The following DCAF7 variants were observed in gnomAD, a reference collection of about 807,000 sequenced individuals.
The protein encoded by DCAF7 is DDB1- and CUL4-associated factor 7.
Under a neutral mutation model 41.2 loss-of-function variants are expected in DCAF7, and 4 were observed. The observed-to-expected ratio is 0.10, with a 90% confidence interval of 0.05 to 0.22. The LOEUF is 0.22. DCAF7 is among the 10% of genes least tolerant of loss of function. The pLI is 1.00. For missense variants in DCAF7, 131 were observed against 443.2 expected, an observed-to-expected ratio of 0.30 and a Z score of 6.32; for synonymous variants, 143 against 164.2, an observed-to-expected ratio of 0.87 and a Z score of 0.99.
In DCAF7 at chr17:63,588,994, C is replaced by G; in HGVS notation, c.857-6C>G. On this transcript the variant is annotated splice_polypyrimidine_tract_variant and splice_region_variant and intron_variant, in intron 6 of 6. Coordinates refer to ENST00000614556, the MANE Select transcript of DCAF7 (RefSeq NM_005828.5). ...GACCTTGCTTGCTGGCTTTCTTTGT[C>G]CCTAGCGGATGACCACCAGGCTCTC... 6.2e-7 allele frequency: 1 copy of G among 1,605,822 alleles called. No homozygotes were observed. The highest frequency in any genetic ancestry group is 8.5e-7 in the Non-Finnish European group (1 of 1,174,376).
At chr17:63,579,291 T>G in intron 2 of DCAF7, 46 bp from the exon 3 acceptor site, 5 of 1,325,196 alleles carry the variant, frequency 3.8e-6, no homozygotes, top group Non-Finnish European at 5.2e-6. Flanking sequence ...AGACTTTTTA[T>G]GAGGATAAGA....
At chr17:63,573,672 G>C (rs2033531091) in intron 1 of DCAF7, among the ~76,000 whole-genome samples, 1 of 151,566 alleles carries the variant, frequency 6.6e-6, no homozygotes, top group African/African-American at 2.4e-5. Context: ...TGAGGTAGCA[G>C]TGAACCAAGA....
chr17:63,584,596 T>TA (rs904309583), intron 5 of DCAF7, among the ~76,000 whole-genome samples: 22 of 151,262 alleles, frequency 1.5e-4, no homozygotes, highest in South Asian at 8.4e-4. Context: ...CCGTCTCTGC[T>TA]AAAAAAATAC....
At chr17:63,554,404 G>A (rs1598024217) in intron 1 of DCAF7, among the ~76,000 whole-genome samples, 1 of 152,366 alleles carries the variant, frequency 6.6e-6, no homozygotes, top group East Asian at 1.9e-4. Context: ...TAGTGGTTGA[G>A]TGGTCCAGAT....
chr17:63,577,306 A>G (rs2033573260), intron 1 of DCAF7, among the ~76,000 whole-genome samples: 1 of 152,238 alleles, frequency 6.6e-6, no homozygotes, highest in Non-Finnish European at 1.5e-5. Flanking sequence ...TCTGGAAGAT[A>G]CTGGTGTGTC....
At chr17:63,562,066 C>T (rs1400029526) in intron 1 of DCAF7, among the ~76,000 whole-genome samples, 1 of 146,578 alleles carries the variant, frequency 6.8e-6, no homozygotes, top group Non-Finnish European at 1.5e-5. Context: ...AACAGAGGAA[C>T]ACTTACCCTA....
chr17:63,587,175 T>G (rs2033686047), intron 6 of DCAF7, among the ~76,000 whole-genome samples: 1 of 152,210 alleles, frequency 6.6e-6, no homozygotes, highest in Admixed American at 6.5e-5. Flanking sequence ...CTCTGGTGTT[T>G]TTCTGCCATT....
At position 63,590,073 on chromosome 17, in the gene DCAF7, G is replaced by C. The variant is rs1287156257; in HGVS notation, c.*901G>C. The C allele has an allele frequency of 6.6e-6, 1 of 152,636 alleles. No individual in the cohort carries two copies. Among genetic ancestry groups the C allele is most frequent in the Non-Finnish European group, 1.5e-5 (1 of 68,054 alleles). The allele number at this position is 152,636 out of a possible 1,614,324, so 9.5% of individuals were successfully genotyped here. A position where few individuals can be genotyped will look rare whatever the true frequency, so the allele number is the denominator to read the frequency against. ...ATCGTTTCATGAAGCTGAACTTCAAGCATATTTCCAGTACATTCTTTCAGA... is the reference window on the plus strand; with the variant it reads ...ATCGTTTCATGAAGCTGAACTTCAACCATATTTCCAGTACATTCTTTCAGA... On this transcript the variant is annotated 3_prime_UTR_variant, in exon 7 of 7. Coordinates refer to ENST00000614556, the MANE Select transcript of DCAF7 (RefSeq NM_005828.5).
At position 63,567,164 on chromosome 17, in the gene DCAF7, G is replaced by C. The variant is rs183421919; in HGVS notation, c.139-11306G>C. Among the ~76,000 whole-genome samples the C allele has an allele frequency of 2.4e-3, 370 of 152,194 alleles. 2 individuals are homozygous for C. The highest frequency in any genetic ancestry group is 8.5e-3 in the African/African-American group (354 of 41,518). ...ACACAAATACATGGAGAAGTATTTG[G>C]AAAGATGCACACCAAATAGCATCAG... On this transcript the variant is annotated intron_variant, in intron 1 of 6. Transcript: ENST00000614556.
In DCAF7 at chr17:63,551,891, CAAAAAAAAAAAAAAAAAAAAAAAAA is replaced by C. The variant is rs529811578; in HGVS notation, c.138+1092_138+1116del. 1.1e-4 allele frequency among the ~76,000 whole-genome samples: 3 copies of C among 27,280 alleles called. No individual in the cohort carries two copies. The South Asian group carries it at 9.5e-3, about 86-fold the overall frequency. 17.9% of individuals were successfully genotyped at this position (27,280 alleles called of 152,430 possible). ...GTGAAACCCCGTCTCTACTAAAATA[CAAAAAAAAAAAAAAAAAAAAAAAAA>C]AAAAAAAAAAAAAAAGCCGGGCGTA... On this transcript the variant is annotated intron_variant, in intron 1 of 6. Coordinates refer to ENST00000614556, the MANE Select transcript of DCAF7 (RefSeq NM_005828.5).
intron 4 of DCAF7, among the ~76,000 whole-genome samples, chr17:63,582,633 T>G (rs1238140116): frequency 6.6e-6 from 1 of 152,108 alleles, no homozygotes; most frequent in African/African-American, 2.4e-5. Flanking sequence ...CACACTCAGC[T>G]AATTTTTTTG....
chr17:63,587,859 G>A (rs755732548), intron 6 of DCAF7, among the ~76,000 whole-genome samples: 1 of 151,568 alleles, frequency 6.6e-6, no homozygotes, highest in Admixed American at 6.6e-5. Context: ...GGTGGTTCAT[G>A]CCTGTAATCC....
chr17:63,559,166 C>T (rs1182627253), intron 1 of DCAF7, among the ~76,000 whole-genome samples: 1 of 150,934 alleles, frequency 6.6e-6, no homozygotes, highest in Non-Finnish European at 1.5e-5. Context: ...GAAAAATTAG[C>T]CAGGCATGGT....
At chr17:63,570,106 G>A (rs751282112) in intron 1 of DCAF7, among the ~76,000 whole-genome samples, 1 of 152,144 alleles carries the variant, frequency 6.6e-6, no homozygotes, top group Non-Finnish European at 1.5e-5. Context: ...ATTACTGGTG[G>A]GGAGGGTGAT....
At chr17:63,561,790 C>T (rs1015465918) in intron 1 of DCAF7, among the ~76,000 whole-genome samples, 1 of 151,774 alleles carries the variant, frequency 6.6e-6, no homozygotes, top group African/African-American at 2.4e-5. Flanking sequence ...AACAATAACC[C>T]AATTTACAAA....
At position 63,559,870 on chromosome 17, in the gene DCAF7, C is replaced by T. The variant is rs150184793; in HGVS notation, c.138+9055C>T. Among the ~76,000 whole-genome samples, 300 of 151,900 alleles carry T rather than the reference C, an allele frequency of 2.0e-3. 2 individuals are homozygous for T. The highest frequency in any genetic ancestry group is 0.01 in the Middle Eastern group (3 of 292). ...AATGTAAACATATAACTGTAAAACA[C>T]GGGAGAATCTTGGTGTGAGAAAGCC... is the stretch of plus-strand genomic sequence containing the variant. On this transcript the variant is annotated intron_variant, in intron 1 of 6. Transcript: ENST00000614556.
intron 2 of DCAF7, among the ~76,000 whole-genome samples, chr17:63,579,112 T>A (rs2033592908): frequency 6.6e-6 from 1 of 152,134 alleles, no homozygotes; most frequent in Non-Finnish European, 1.5e-5. Flanking sequence ...AGACCTCTCC[T>A]CTAGGAAGGT....
intron 1 of DCAF7, among the ~76,000 whole-genome samples, chr17:63,558,927 C>CT (rs1248306938): frequency 1.3e-5 from 2 of 152,032 alleles, no homozygotes; most frequent in South Asian, 2.1e-4. Flanking sequence ...GTTTGATACT[C>CT]TAAGAACTGA....
At chr17:63,557,775 C>T (rs370862183) in intron 1 of DCAF7, among the ~76,000 whole-genome samples, 10 of 152,140 alleles carry the variant, frequency 6.6e-5, no homozygotes, top group African/African-American at 2.4e-4. Flanking sequence ...TTGAACTTGC[C>T]AAAGATTTGA....
Sources: gnomAD v4.1 joint callset for allele counts (sites outside exome capture counted in the v4.1 genomes callset) on GRCh38, gnomAD v4.1.1 for gene constraint, MANE v1.5 for transcripts, NCBI Gene and HGNC (gene_info 2026-07-23, HGNC 2026-07-21) for gene names.